Variants in RECK observed in about 807,000 individuals in gnomAD.
RECK encodes reversion-inducing cysteine-rich protein with Kazal motifs.
A neutral mutation model predicts 115.1 loss-of-function variants in RECK; 69 were observed. That is an observed-to-expected ratio of 0.60 (90% CI 0.49 to 0.73). RECK has a LOEUF of 0.73. RECK is among the 30% of genes least tolerant of loss of function. The pLI, the probability that RECK is intolerant of heterozygous loss-of-function variation, is 0.00. For synonymous variants in RECK, 414 were observed against 419.7 expected, an observed-to-expected ratio of 0.99 and a Z score of 0.17; for missense variants, 1,047 against 1,203.7, an observed-to-expected ratio of 0.87 and a Z score of 1.93.
chr9:36,120,993 C>T (rs1824440083), intron 19 of RECK, among the ~76,000 whole-genome samples: 1 of 152,206 alleles, frequency 6.6e-6, no homozygotes, highest in African/African-American at 2.4e-5. Context: ...TTAGAAAAGG[C>T]CCCTGCTGGC....
At chr9:36,074,702 G>A (rs1167545477) in intron 6 of RECK, among the ~76,000 whole-genome samples, 1 of 152,168 alleles carries the variant, frequency 6.6e-6, no homozygotes, top group Non-Finnish European at 1.5e-5. Context: ...GCTTTACGTG[G>A]AAACTCTGTG....
At chr9:36,089,983 C>G (rs1588316136) in intron 9 of RECK, among the ~76,000 whole-genome samples, 1 of 151,324 alleles carries the variant, frequency 6.6e-6, no homozygotes, top group East Asian at 1.9e-4. Flanking sequence ...CACACACACA[C>G]ACACACACAC....
chr9:36,049,880 C>G (rs1213348469), intron 1 of RECK, among the ~76,000 whole-genome samples: 2 of 152,220 alleles, frequency 1.3e-5, no homozygotes, highest in African/African-American at 2.4e-5. Flanking sequence ...TCATCAATAT[C>G]TTCCACATTG....
chr9:36,057,395 CT>C (rs1564103851), intron 2 of RECK, among the ~76,000 whole-genome samples: 2 of 152,086 alleles, frequency 1.3e-5, no homozygotes, highest in Admixed American at 6.5e-5. Context: ...GGTTTCTCCA[CT>C]TTTTTTGGTC....
At chr9:36,107,606 A>G (rs1200170489) in intron 13 of RECK, among the ~76,000 whole-genome samples, 1 of 134,848 alleles carries the variant, frequency 7.4e-6, no homozygotes, top group Admixed American at 7.2e-5. Context: ...CTCCGTCTCA[A>G]AAAAAAAAAA....
chr9:36,100,841 C>T (rs1483992384), intron 11 of RECK, among the ~76,000 whole-genome samples: 6 of 152,168 alleles, frequency 3.9e-5, no homozygotes, highest in Non-Finnish European at 7.4e-5. Context: ...TTGTACTTCT[C>T]TTATGGAACT....
rs372860741 is a variant in RECK at position 36,039,367 on chromosome 9, G to A, written c.100+2269G>A. ...GAACACAATATAAAATTGTATTTCA[G>A]TGAAGGCTTTGCTTGTATTCCTGCT... On this transcript the variant is annotated intron_variant, in intron 1 of 20. Transcript: ENST00000377966. 1.2e-4 allele frequency among the ~76,000 whole-genome samples: 19 copies of A among 152,338 alleles called. No homozygotes were observed. In the East Asian group the frequency reaches 1.7e-3, roughly 14 times the overall value.
At chr9:36,078,447 T>G (rs1169174057) in intron 6 of RECK, among the ~76,000 whole-genome samples, 1 of 152,198 alleles carries the variant, frequency 6.6e-6, no homozygotes, top group Non-Finnish European at 1.5e-5. Context: ...CACTGGCATT[T>G]TGGTCTGGAT....
intron 15 of RECK, 63 bp from the exon 16 acceptor site, chr9:36,112,242 A>G: frequency 6.5e-7 from 1 of 1,528,886 alleles, no homozygotes; most frequent in Non-Finnish European, 9.0e-7. Context: ...TGCCTTAACA[A>G]GGAAATATAA....
At chr9:36,111,306 A>G (rs1287625225) in intron 15 of RECK, among the ~76,000 whole-genome samples, 2 of 152,238 alleles carry the variant, frequency 1.3e-5, no homozygotes, top group Non-Finnish European at 2.9e-5. Context: ...AAAGAAGTTC[A>G]TAACAATTTG....
intron 4 of RECK, among the ~76,000 whole-genome samples, chr9:36,063,206 A>T (rs1821854587): frequency 6.6e-6 from 1 of 152,194 alleles, no homozygotes; most frequent in South Asian, 2.1e-4. Context: ...TGGAAGAGTC[A>T]CTGCTGAACA....
chr9:36,100,315 C>A lies in RECK; in HGVS notation c.1086-16C>A, dbSNP rs762726994. On this transcript the variant is annotated splice_polypyrimidine_tract_variant and intron_variant, in intron 10 of 20. Transcript: ENST00000377966. ...ATAATTGCCTCTTGATTCTTTCTGG[C>A]CTTTTTTCTCTTTAGGCCAACAGAA... 1.9e-6 allele frequency: 3 copies of A among 1,604,658 alleles called. No homozygotes were observed. Among genetic ancestry groups the A allele is most frequent in the African/African-American group, 1.3e-5 (1 of 74,774 alleles).
At chr9:36,091,048 A>G (rs1274847132) in intron 9 of RECK, 116 bp from the exon 10 acceptor site, 1 of 838,100 alleles carries the variant, frequency 1.2e-6, no homozygotes, top group Non-Finnish European at 1.8e-6. Flanking sequence ...TGGTTTTTTT[A>G]CTTTTTTTCT....
At chr9:36,065,228 TAAAAAAAAAAAA>T (rs561725701) in intron 5 of RECK, among the ~76,000 whole-genome samples, 75 of 50,556 alleles carry the variant, frequency 1.5e-3, no homozygotes, top group Non-Finnish European at 2.2e-3. Flanking sequence ...GGAATTCAGC[TAAAAAAAAAAAA>T]AAAAAAAAAA....
At chr9:36,043,038 T>TTTTTTTTTG (rs1351361271) in intron 1 of RECK, among the ~76,000 whole-genome samples, 1 of 131,058 alleles carries the variant, frequency 7.6e-6, no homozygotes, top group African/African-American at 3.0e-5. Context: ...TTTTTTTTTT[T>TTTTTTTTTG]TTGTTGAGAC....
chr9:36,059,545 T>C (rs1821676272), intron 3 of RECK, among the ~76,000 whole-genome samples: 1 of 152,192 alleles, frequency 6.6e-6, no homozygotes, highest in African/African-American at 2.4e-5. Context: ...ACTAAATCTG[T>C]TTATTTTGAT....
intron 11 of RECK, among the ~76,000 whole-genome samples, chr9:36,100,886 C>T (rs756463783): frequency 3.3e-5 from 5 of 152,124 alleles, no homozygotes; most frequent in Non-Finnish European, 7.4e-5. Flanking sequence ...ACCTCTGATG[C>T]ACAATTCTAT....
intron 8 of RECK, 71 bp downstream of exon 8, chr9:36,083,633 T>G: frequency 6.8e-7 from 1 of 1,467,340 alleles, no homozygotes; most frequent in Admixed American, 2.0e-5. Context: ...AGTGATACGT[T>G]CTTGTAGATA....
chr9:36,118,719 A>C, intron 17 of RECK, 38 bp from the exon 18 acceptor site: 1 of 1,582,962 alleles, frequency 6.3e-7, no homozygotes, highest in Non-Finnish European at 8.7e-7. Context: ...GGTACAACAT[A>C]GACATTTCCA....
Sources: gnomAD v4.1 joint callset for allele counts (sites outside exome capture counted in the v4.1 genomes callset) on GRCh38, gnomAD v4.1.1 for gene constraint, MANE v1.5 for transcripts, NCBI Gene and HGNC (gene_info 2026-07-23, HGNC 2026-07-21) for gene names.